The following MYO16 variants were observed in gnomAD, a reference collection of about 807,000 sequenced individuals.
The protein encoded by MYO16 is unconventional myosin-XVI.
A neutral mutation model predicts 205.3 loss-of-function variants in MYO16; 94 were observed. The ratio of observed to expected loss-of-function variants is 0.46; its 90% CI spans 0.39 to 0.54. The LOEUF (loss-of-function observed/expected upper bound fraction) is 0.54, where lower values mean the gene tolerates loss of function less well. Among genes scored for constraint, MYO16 ranks in the 20% least tolerant of loss-of-function variants. MYO16 has a pLI of 0.00. For missense variants in MYO16, 2,315 were observed against 2,387.5 expected (o/e 0.97, Z 0.63); for synonymous variants, 988 against 954.0 (o/e 1.04, Z -0.66).
the MYO16 span, among the ~76,000 whole-genome samples, chr13:108,577,344 C>T: frequency 1.3e-5 from 2 of 152,156 alleles, no homozygotes; most frequent in Non-Finnish European, 2.9e-5. Flanking sequence ...GCCTCAATGT[C>T]TCATATATAG....
At chr13:109,093,867 A>G (rs1404600894) in intron 27 of MYO16, among the ~76,000 whole-genome samples, 1 of 151,886 alleles carries the variant, frequency 6.6e-6, no homozygotes, top group Non-Finnish European at 1.5e-5. Flanking sequence ...ATCGATGATG[A>G]TTTTCTTCAC....
At chr13:108,686,383 G>A (rs1199464553) in intron 2 of MYO16, among the ~76,000 whole-genome samples, 1 of 152,154 alleles carries the variant, frequency 6.6e-6, no homozygotes, top group Non-Finnish European at 1.5e-5. Context: ...GATATCACAC[G>A]TATTAAAATA....
At chr13:108,964,707 T>C in intron 19 of MYO16, 54 bp from the exon 20 acceptor site, 1 of 1,589,666 alleles carries the variant, frequency 6.3e-7, no homozygotes, top group Admixed American at 1.7e-5. Flanking sequence ...TTTGGTTGGC[T>C]TCTAAATGAG....
In MYO16 at chr13:108,784,059, G is replaced by A. The variant is rs138277101; in HGVS notation, c.508-1576G>A. 1.1e-3 allele frequency among the ~76,000 whole-genome samples: 162 copies of A among 152,268 alleles called. 1 individual carries two copies. Among genetic ancestry groups the A allele is most frequent in the Admixed American group, 2.9e-3 (45 of 15,302 alleles). On this transcript the variant is annotated intron_variant, in intron 4 of 34. Coordinates refer to ENST00000457511, the MANE Select transcript of MYO16 (RefSeq NM_001198950.3). Reference sequence around the variant, plus strand: ...TGATAACAAGCAGAGTTATATGCCTGTGCTGTGCTCTAAACTCACTGAGTC... The same window carrying A: ...TGATAACAAGCAGAGTTATATGCCTATGCTGTGCTCTAAACTCACTGAGTC...
At chr13:109,132,353 T>C (rs1876580368) in intron 31 of MYO16, among the ~76,000 whole-genome samples, 1 of 152,254 alleles carries the variant, frequency 6.6e-6, no homozygotes. Context: ...CCAAAATTGC[T>C]GTACAACTGC....
At chr13:109,146,442 C>T (rs376354659) in intron 32 of MYO16, among the ~76,000 whole-genome samples, 7 of 152,098 alleles carry the variant, frequency 4.6e-5, no homozygotes, top group African/African-American at 1.7e-4. Flanking sequence ...CATCTCTACT[C>T]CTGCCCATTT....
intron 20 of MYO16, among the ~76,000 whole-genome samples, chr13:108,988,132 A>G (rs184920781): frequency 1.5e-3 from 222 of 152,302 alleles, no homozygotes; most frequent in African/African-American, 5.1e-3. Flanking sequence ...TGGCTGGATC[A>G]CATGACCTCT....
intron 27 of MYO16, among the ~76,000 whole-genome samples, chr13:109,099,923 T>C (rs1888903819): frequency 6.6e-6 from 1 of 152,152 alleles, no homozygotes; most frequent in Non-Finnish European, 1.5e-5. Context: ...AAACAGAAAA[T>C]AACAGAAAAC....
the MYO16 span, among the ~76,000 whole-genome samples, chr13:108,523,235 G>A: frequency 6.6e-5 from 10 of 152,262 alleles, no homozygotes; most frequent in African/African-American, 2.4e-4. Context: ...GGTCCAGTGA[G>A]CAAGAAGCTC....
At chr13:108,927,427 T>C (rs1477409585) in intron 16 of MYO16, among the ~76,000 whole-genome samples, 3 of 152,106 alleles carry the variant, frequency 2.0e-5, no homozygotes, top group Non-Finnish European at 4.4e-5. Context: ...AGCCAGGCAC[T>C]GGGACTTGCC....
chr13:108,581,115 A>G, the MYO16 span, among the ~76,000 whole-genome samples: 1 of 150,570 alleles, frequency 6.6e-6, no homozygotes, highest in East Asian at 2.0e-4. Context: ...TATGATGAAT[A>G]CAGTACATAT....
At chr13:108,901,876 G>A (rs1450631789) in intron 15 of MYO16, among the ~76,000 whole-genome samples, 1 of 152,158 alleles carries the variant, frequency 6.6e-6, no homozygotes, top group Non-Finnish European at 1.5e-5. Context: ...CATAAACGTG[G>A]TAGGACCCAC....
chr13:109,109,843 G>A (rs1434602663), intron 28 of MYO16, among the ~76,000 whole-genome samples: 1 of 152,162 alleles, frequency 6.6e-6, no homozygotes, highest in Non-Finnish European at 1.5e-5. Flanking sequence ...GCACACCACA[G>A]GACAGACATA....
At chr13:108,976,972 T>C (rs915464512) in intron 20 of MYO16, among the ~76,000 whole-genome samples, 1 of 152,196 alleles carries the variant, frequency 6.6e-6, no homozygotes, top group Non-Finnish European at 1.5e-5. Flanking sequence ...CCTTTTGTTT[T>C]CCTGTAGAGA....
intron 10 of MYO16, among the ~76,000 whole-genome samples, chr13:108,854,168 T>A (rs560319371): frequency 6.6e-6 from 1 of 152,072 alleles, no homozygotes; most frequent in Non-Finnish European, 1.5e-5. Context: ...TAATTTTTTT[T>A]GTATTTTTAG....
At chr13:109,101,018 T>G in intron 28 of MYO16, 131 bp downstream of exon 28, 1 of 698,646 alleles carries the variant, frequency 1.4e-6, no homozygotes, top group Non-Finnish European at 2.5e-6. Flanking sequence ...GGCGTGACAT[T>G]AAGTGTATTC....
At chr13:109,000,626 T>G (rs1354808122) in intron 21 of MYO16, among the ~76,000 whole-genome samples, 1 of 152,204 alleles carries the variant, frequency 6.6e-6, no homozygotes, top group Admixed American at 6.5e-5. Context: ...AACAAACTTT[T>G]TTTTGAAAAA....
chr13:109,148,540 A>G (rs904878143), intron 32 of MYO16, among the ~76,000 whole-genome samples: 4 of 152,228 alleles, frequency 2.6e-5, no homozygotes, highest in African/African-American at 7.2e-5. Context: ...AGGTGCATCC[A>G]CTTTCAGTGA....
At chr13:108,551,177 A>G in the MYO16 span, among the ~76,000 whole-genome samples, 1 of 152,194 alleles carries the variant, frequency 6.6e-6, no homozygotes, top group Non-Finnish European at 1.5e-5. Flanking sequence ...AATCTCCCTC[A>G]GTAATTCCTT....
Sources: gnomAD v4.1 joint callset for allele counts (sites outside exome capture counted in the v4.1 genomes callset) on GRCh38, gnomAD v4.1.1 for gene constraint, MANE v1.5 for transcripts, NCBI Gene and HGNC (gene_info 2026-07-23, HGNC 2026-07-21) for gene names.